The following TMTC1 variants were observed in gnomAD, a reference collection of about 807,000 sequenced individuals.
TMTC1 encodes the protein protein O-mannosyl-transferase TMTC1.
A neutral mutation model predicts 104.8 loss-of-function variants in TMTC1; 73 were observed. The ratio of observed to expected loss-of-function variants is 0.70; its 90% CI spans 0.58 to 0.85. The LOEUF (loss-of-function observed/expected upper bound fraction) is 0.85, where lower values mean the gene tolerates loss of function less well. Ranked by LOEUF, TMTC1 falls within the 40% of genes least tolerant of loss-of-function variation. TMTC1 has a pLI of 0.00. For missense variants in TMTC1, 1,035 were observed against 1,096.1 expected (o/e 0.94, Z 0.79); for synonymous variants, 434 against 428.7 (o/e 1.01, Z -0.15).
chr12:29,722,364 T>G (rs7136483), intron 5 of TMTC1, among the ~76,000 whole-genome samples: 4 of 151,902 alleles, frequency 2.6e-5, no homozygotes, highest in African/African-American at 9.7e-5. Flanking sequence ...TCTAAACACA[T>G]GTTAAAGATT....
intron 7 of TMTC1, among the ~76,000 whole-genome samples, chr12:29,603,321 T>A (rs1354243398): frequency 6.6e-6 from 1 of 152,078 alleles, no homozygotes; most frequent in African/African-American, 2.4e-5. Context: ...AAAACACTCA[T>A]TTCCTCCTAA....
intron 5 of TMTC1, among the ~76,000 whole-genome samples, chr12:29,676,297 C>G (rs542316681): frequency 2.6e-5 from 4 of 152,052 alleles, no homozygotes; most frequent in Non-Finnish European, 5.9e-5. Flanking sequence ...CTTTTACTAC[C>G]TTTTCCTTGT....
Position 29,783,543 on chromosome 12 carries a change from C to G in TMTC1, c.209G>C (p.Arg70Pro), listed in dbSNP as rs771744376. Residue 70 changes from arginine to proline, a missense_variant, in exon 1 of 18, where the codon CGC (arginine) becomes CCC (proline). Coordinates refer to ENST00000539277, the MANE Select transcript of TMTC1 (RefSeq NM_001193451.2). This position sits in a 1 kb window ranked among gnomAD's most constrained non-coding sequence, Gnocchi z 4.7. The stretch of plus-strand genomic sequence containing the variant: ...GAAGTCGTTGGTGAAGATGCCCCAG[C>G]GGAGCGGGGCGCCGGGCCGCACGTC... ...NPDVRPGAPL[R>P]WGIFTNDFWG... The G allele has an allele frequency of 1.6e-5, 23 of 1,470,436 alleles. No individual in the cohort carries two copies. Among genetic ancestry groups the G allele is most frequent in the Middle Eastern group, 2.4e-4 (1 of 4,148 alleles). 91.1% of individuals were successfully genotyped at this position (1,470,436 alleles called of 1,614,324 possible). A position where few individuals can be genotyped will look rare whatever the true frequency, so the allele number is the denominator to read the frequency against.
At chr12:29,727,207 G>C (rs954701814) in intron 5 of TMTC1, among the ~76,000 whole-genome samples, 3 of 152,118 alleles carry the variant, frequency 2.0e-5, no homozygotes, top group Non-Finnish European at 4.4e-5. Context: ...ACAAAGAAAG[G>C]CTCAGTATTG....
In TMTC1 at chr12:29,583,478, C is replaced by T. The variant is rs1175206755; in HGVS notation, c.1347G>A (p.Leu449=). Residue 449 remains leucine, a synonymous_variant, in exon 8 of 18, where the codon TTG becomes TTA. Coordinates refer to ENST00000539277, the MANE Select transcript of TMTC1 (RefSeq NM_001193451.2). ...GATTLIVSTV[L]LLLLFSWKTV... ...TTTTCCAAGAGAAAAGCAACAGCAGCAACACAGTGGACACAATCAGGGTGG... is the reference window on the plus strand; with the variant it reads ...TTTTCCAAGAGAAAAGCAACAGCAGTAACACAGTGGACACAATCAGGGTGG... 5 of 1,613,962 alleles carry T rather than the reference C, an allele frequency of 3.1e-6. No individual in the cohort carries two copies. Among genetic ancestry groups the T allele is most frequent in the Non-Finnish European group, 4.2e-6 (5 of 1,179,918 alleles).
chr12:29,559,145 C>T (rs952820497), intron 9 of TMTC1, among the ~76,000 whole-genome samples: 3 of 152,124 alleles, frequency 2.0e-5, no homozygotes, highest in Non-Finnish European at 2.9e-5. Context: ...CTTCCTTTTT[C>T]GTAGAGGAAA....
chr12:29,586,829 C>G (rs1234124113), intron 7 of TMTC1, among the ~76,000 whole-genome samples: 1 of 148,770 alleles, frequency 6.7e-6, no homozygotes, highest in Non-Finnish European at 1.5e-5. Context: ...CTGCTGGATT[C>G]GGTTTGCCAG....
chr12:29,645,711 T>C (rs1159846049), intron 5 of TMTC1, among the ~76,000 whole-genome samples: 3 of 152,338 alleles, frequency 2.0e-5, no homozygotes, highest in Admixed American at 6.5e-5. Context: ...CTTTCTCTCA[T>C]TGAGCACAGG....
intron 3 of TMTC1, among the ~76,000 whole-genome samples, chr12:29,758,229 A>G (rs2136992313): frequency 6.6e-6 from 1 of 152,326 alleles, no homozygotes; most frequent in Non-Finnish European, 1.5e-5. Flanking sequence ...CTATATGTAA[A>G]TTGGAAAACC....
At chr12:29,596,185 T>C (rs1260516457) in intron 7 of TMTC1, among the ~76,000 whole-genome samples, 1 of 152,138 alleles carries the variant, frequency 6.6e-6, no homozygotes, top group African/African-American at 2.4e-5. Context: ...TTTTGTACTT[T>C]TAGTAGAGAC....
chr12:29,659,561 A>T (rs528542564), intron 5 of TMTC1, among the ~76,000 whole-genome samples: 4 of 152,342 alleles, frequency 2.6e-5, no homozygotes, highest in Admixed American at 2.6e-4. Context: ...CTTTCCAGCC[A>T]TCAGAATAGT....
chr12:29,538,691 T>C (rs928654896), intron 10 of TMTC1, among the ~76,000 whole-genome samples: 12 of 152,188 alleles, frequency 7.9e-5, no homozygotes, highest in African/African-American at 2.7e-4. Context: ...AGTTTGTCCA[T>C]GAACATTCAT....
Position 29,633,320 on chromosome 12 carries a change from A to G in TMTC1, c.955T>C (p.Tyr319His). The G allele has an allele frequency of 6.2e-7, 1 of 1,611,594 alleles. No individual in the cohort carries two copies. The highest frequency in any genetic ancestry group is 8.5e-7 in the Non-Finnish European group (1 of 1,178,432). ...AGCCACACATTGAAGGCCAAGAGGT[A>G]GGAATAGGTGAGGAATCTATAAAGA... ...WSMMRFLTYS[Y>H]LLAFNVWLLL... The change falls in exon 6 of 18, where the codon TAC becomes CAC. Residue 319 changes from tyrosine to histidine, a missense_variant. Tyr to His is a moderately conservative substitution (Grantham distance 83, BLOSUM62 2). Transcript: ENST00000539277.
intron 2 of TMTC1, among the ~76,000 whole-genome samples, chr12:29,761,711 G>T (rs1043140864): frequency 6.6e-6 from 1 of 152,102 alleles, no homozygotes; most frequent in Non-Finnish European, 1.5e-5. Context: ...AGATGAACTG[G>T]GCTGACATTT....
intron 5 of TMTC1, among the ~76,000 whole-genome samples, chr12:29,683,080 C>A (rs553138105): frequency 7.3e-4 from 111 of 152,264 alleles, no homozygotes; most frequent in Non-Finnish European, 1.4e-3. Context: ...AAGCCTGTGT[C>A]TTTTCCCTTG....
chr12:29,507,134 G>T, intron 17 of TMTC1, 148 bp from the exon 18 acceptor site: 1 of 672,868 alleles, frequency 1.5e-6, no homozygotes, highest in Non-Finnish European at 2.5e-6. Context: ...TTTTATCCTT[G>T]TCTATTGGTG....
chr12:29,566,205 G>A (rs1433167992), intron 9 of TMTC1, among the ~76,000 whole-genome samples: 1 of 152,100 alleles, frequency 6.6e-6, no homozygotes, highest in Admixed American at 6.5e-5. Flanking sequence ...AGGTAAGGGG[G>A]GAAGGGTTCT....
intron 5 of TMTC1, chr12:29,666,214 T>TTTATTTC (rs1565752664): frequency 1.2e-5 from 5 of 425,284 alleles, no homozygotes; most frequent in Non-Finnish European, 2.3e-5. Flanking sequence ...CTTTTCTTTC[T>TTTATTTC]TTTTTTCTTT....
intron 5 of TMTC1, among the ~76,000 whole-genome samples, chr12:29,750,238 T>A (rs977702820): frequency 2.7e-4 from 41 of 152,048 alleles, no homozygotes; most frequent in Admixed American, 2.7e-3. Flanking sequence ...CCTGGAACCC[T>A]CTGCCAGATC....
Sources: allele counts gnomAD v4.1 joint callset (sites outside exome capture counted in the v4.1 genomes callset), GRCh38; gene constraint gnomAD v4.1.1; non-coding constraint Gnocchi (gnomAD v3.1); transcripts MANE v1.5; gene names NCBI Gene and HGNC (gene_info 2026-07-23, HGNC 2026-07-21).